SORCS3: variants seen among roughly 807,000 people sequenced by gnomAD.
The protein encoded by SORCS3 is VPS10 domain-containing receptor SorCS3.
Under a neutral mutation model 146.3 loss-of-function variants are expected in SORCS3, and 57 were observed. That is an observed-to-expected ratio of 0.39 (90% CI 0.31 to 0.49). The LOEUF (loss-of-function observed/expected upper bound fraction) is 0.49, where lower values mean the gene tolerates loss of function less well. SORCS3 is among the 20% of genes least tolerant of loss of function. SORCS3 has a pLI of 0.92. For synonymous variants in SORCS3, 653 were observed against 618.5 expected (o/e 1.06, Z -0.83); for missense variants, 1,341 against 1,575.5 (o/e 0.85, Z 2.52).
chr10:104,940,238 ATTTTTTTTTTTT>A (rs1186082602), intron 3 of SORCS3, among the ~76,000 whole-genome samples: 353 of 31,498 alleles, frequency 0.011, 2 homozygotes, highest in African/African-American at 0.036. Context: ...ATATATATAT[ATTTTTTTTTTTT>A]TTTTTATTAT....
intron 1 of SORCS3, among the ~76,000 whole-genome samples, chr10:104,730,646 T>G (rs2133452592): frequency 6.6e-6 from 1 of 152,350 alleles, no homozygotes; most frequent in Non-Finnish European, 1.5e-5. Flanking sequence ...TACCCAAGAC[T>G]GAGTAATTTA....
chr10:104,655,784 G>A (rs1332057912), intron 1 of SORCS3, among the ~76,000 whole-genome samples: 1 of 152,024 alleles, frequency 6.6e-6, no homozygotes, highest in African/African-American at 2.4e-5. Flanking sequence ...CCCCCACTCC[G>A]CCTTGCTCCT....
chr10:105,019,666 T>C (rs2055187522), intron 4 of SORCS3, among the ~76,000 whole-genome samples: 1 of 152,224 alleles, frequency 6.6e-6, no homozygotes, highest in South Asian at 2.1e-4. Flanking sequence ...GTGTCTCCTA[T>C]GTGCCACAAA....
At chr10:105,240,995 T>C (rs1334269824) in intron 20 of SORCS3, among the ~76,000 whole-genome samples, 2 of 151,872 alleles carry the variant, frequency 1.3e-5, no homozygotes, top group Non-Finnish European at 2.9e-5. Context: ...TCTCAGTATT[T>C]ATTTCCTACT....
At chr10:104,932,599 C>T (rs977725373) in intron 3 of SORCS3, among the ~76,000 whole-genome samples, 3 of 152,208 alleles carry the variant, frequency 2.0e-5, no homozygotes, top group Non-Finnish European at 4.4e-5. Context: ...GTGGTTCTGT[C>T]TACGTTGTGT....
intron 14 of SORCS3, among the ~76,000 whole-genome samples, chr10:105,186,604 C>T (rs973163393): frequency 6.6e-6 from 1 of 151,964 alleles, no homozygotes; most frequent in African/African-American, 2.4e-5. Context: ...CTATCTTAAC[C>T]GGGTGCGGTG....
At chr10:105,190,575 T>C (rs1297897614) in intron 14 of SORCS3, among the ~76,000 whole-genome samples, 2 of 152,184 alleles carry the variant, frequency 1.3e-5, no homozygotes, top group Non-Finnish European at 2.9e-5. Flanking sequence ...ATTTTTGTAT[T>C]TTTGGTAGAG....
intron 19 of SORCS3, among the ~76,000 whole-genome samples, chr10:105,218,364 A>G (rs1354461028): frequency 6.6e-6 from 1 of 152,234 alleles, no homozygotes; most frequent in Non-Finnish European, 1.5e-5. Flanking sequence ...CCAATCATTC[A>G]CTAATTAATT....
At chr10:104,854,601 T>A (rs2018309644) in intron 2 of SORCS3, among the ~76,000 whole-genome samples, 1 of 152,110 alleles carries the variant, frequency 6.6e-6, no homozygotes, top group South Asian at 2.1e-4. Flanking sequence ...TGAGTTTGTG[T>A]GGGGGTGTGG....
intron 25 of SORCS3, among the ~76,000 whole-genome samples, chr10:105,260,534 A>G (rs911553148): frequency 1.3e-5 from 2 of 152,220 alleles, no homozygotes; most frequent in Admixed American, 1.3e-4. Context: ...GGTCATGGGG[A>G]CACCTCCTTT....
At chr10:105,057,995 G>A (rs1242818251) in intron 5 of SORCS3, among the ~76,000 whole-genome samples, 2 of 152,150 alleles carry the variant, frequency 1.3e-5, no homozygotes, top group Non-Finnish European at 2.9e-5. Context: ...TTAGGGGCTT[G>A]TCCCACCTCC....
intron 20 of SORCS3, among the ~76,000 whole-genome samples, chr10:105,239,032 T>C (rs2119709576): frequency 6.6e-6 from 1 of 152,326 alleles, no homozygotes; most frequent in East Asian, 1.9e-4. Flanking sequence ...CTTTATTCTT[T>C]AATAGCATCC....
At chr10:104,841,797 G>A (rs2018143761) in intron 1 of SORCS3, among the ~76,000 whole-genome samples, 1 of 152,130 alleles carries the variant, frequency 6.6e-6, no homozygotes. Flanking sequence ...GGAATGGGAA[G>A]GAGCTGAAAA....
intron 3 of SORCS3, among the ~76,000 whole-genome samples, chr10:104,936,258 GA>G (rs1428993816): frequency 4.6e-5 from 7 of 152,120 alleles, no homozygotes; most frequent in African/African-American, 1.7e-4. Context: ...CTGTATATCT[GA>G]AATGGAGCAA....
chr10:105,164,142 C>A (rs1564772122), intron 11 of SORCS3, among the ~76,000 whole-genome samples, 161 bp from the exon 12 acceptor site: 1 of 152,110 alleles, frequency 6.6e-6, no homozygotes, highest in Admixed American at 6.6e-5. Flanking sequence ...TTGGGTTTTT[C>A]ATCCTGCTGG....
intron 1 of SORCS3, among the ~76,000 whole-genome samples, chr10:104,836,420 G>A (rs1340124422): frequency 2.0e-5 from 3 of 152,260 alleles, no homozygotes; most frequent in Middle Eastern, 6.8e-3. Flanking sequence ...GAGGAATAAA[G>A]GCATTAGTTG....
At position 105,147,700 on chromosome 10, in the gene SORCS3, C is replaced by T; in HGVS notation, c.1386C>T (p.Tyr462=). 6.2e-7 allele frequency: 1 copy of T among 1,613,168 alleles called. No individual in the cohort carries two copies. Among genetic ancestry groups the T allele is most frequent in the South Asian group, 1.1e-5 (1 of 91,048 alleles). The change falls in exon 9 of 27, where the codon TAC becomes TAT. Residue 462 remains tyrosine (Y), a synonymous_variant. Transcript: ENST00000369701. The stretch of plus-strand genomic sequence containing the variant: ...ACCAGAACGACACGTACAACCTCTA[C>T]ATCTCAGACACGCGTGGGATTTACT... ...EWNQNDTYNL[Y]ISDTRGIYFT...
chr10:104,711,450 G>A (rs969112010), intron 1 of SORCS3, among the ~76,000 whole-genome samples: 1 of 152,168 alleles, frequency 6.6e-6, no homozygotes, highest in Non-Finnish European at 1.5e-5. Context: ...AAGGTCAAGC[G>A]TCTTACTGGA....
intron 2 of SORCS3, among the ~76,000 whole-genome samples, chr10:104,910,866 G>A (rs771687887): frequency 5.9e-5 from 9 of 152,274 alleles, no homozygotes; most frequent in Non-Finnish European, 1.2e-4. Flanking sequence ...TTCCAGGTTA[G>A]TTGTGTGCAC....
Sources: gnomAD v4.1 joint callset for allele counts (sites outside exome capture counted in the v4.1 genomes callset) on GRCh38, gnomAD v4.1.1 for gene constraint, MANE v1.5 for transcripts, NCBI Gene and HGNC (gene_info 2026-07-23, HGNC 2026-07-21) for gene names.